Variants in APBB2 observed in about 807,000 individuals in gnomAD.
The protein encoded by APBB2 is Fe65-like 1.
APBB2 carries 38 observed loss-of-function variants against 82.5 expected under a neutral mutation model. That is an observed-to-expected ratio of 0.46 (90% CI 0.36 to 0.60). The LOEUF (loss-of-function observed/expected upper bound fraction) is 0.60. Among genes scored for constraint, APBB2 ranks in the 20% least tolerant of loss-of-function variants. The probability of loss-of-function intolerance (pLI) is 0.00; values close to 1 mark genes in which losing one functional copy is unlikely to be tolerated. For missense variants in APBB2, 772 were observed against 972.3 expected, an observed-to-expected ratio of 0.79 and a Z score of 2.74; for synonymous variants, 341 against 368.2, an observed-to-expected ratio of 0.93 and a Z score of 0.85.
chr4:41,157,332 C>A (rs899428439), intron 1 of APBB2, among the ~76,000 whole-genome samples: 2 of 152,162 alleles, frequency 1.3e-5, no homozygotes, highest in African/African-American at 2.4e-5. Flanking sequence ...TGCATGAAAG[C>A]CCCCTTCAAA....
chr4:41,122,294 G>C (rs987547268), intron 2 of APBB2, among the ~76,000 whole-genome samples: 16 of 152,152 alleles, frequency 1.1e-4, no homozygotes, highest in Admixed American at 7.9e-4. Flanking sequence ...TCACTGTTCT[G>C]ACTGGGGTCT....
chr4:41,199,300 T>C (rs1048371024), intron 1 of APBB2, among the ~76,000 whole-genome samples: 2 of 152,134 alleles, frequency 1.3e-5, no homozygotes, highest in Non-Finnish European at 2.9e-5. Context: ...AGTAAGGAAA[T>C]GGTTAATGGT....
At chr4:40,834,368 C>T (rs192493064) in intron 12 of APBB2, among the ~76,000 whole-genome samples, 2 of 152,314 alleles carry the variant, frequency 1.3e-5, no homozygotes, top group East Asian at 3.9e-4. Context: ...GGCAGTGAGG[C>T]CTTTCTTTCA....
intron 10 of APBB2, among the ~76,000 whole-genome samples, chr4:40,906,196 C>A (rs1431155963): frequency 6.6e-6 from 1 of 152,024 alleles, no homozygotes; most frequent in Non-Finnish European, 1.5e-5. Context: ...GTGGCTCACA[C>A]CTATAATCCC....
intron 12 of APBB2, among the ~76,000 whole-genome samples, chr4:40,846,556 A>G (rs1757719549): frequency 6.6e-6 from 1 of 152,176 alleles, no homozygotes; most frequent in African/African-American, 2.4e-5. Context: ...GAAAGGTTCT[A>G]TCCTTCCCAG....
chr4:41,138,880 C>T (rs1206614203), intron 2 of APBB2, among the ~76,000 whole-genome samples: 1 of 152,124 alleles, frequency 6.6e-6, no homozygotes, highest in Non-Finnish European at 1.5e-5. Flanking sequence ...TAAACAGGTT[C>T]AACACGGTTG....
chr4:40,833,420 C>T (rs1392461995), intron 12 of APBB2, among the ~76,000 whole-genome samples: 3 of 152,218 alleles, frequency 2.0e-5, no homozygotes, highest in Non-Finnish European at 4.4e-5. Context: ...CAGTGGCCCT[C>T]CCCACACTGT....
At chr4:41,121,597 T>C (rs748245258) in intron 2 of APBB2, among the ~76,000 whole-genome samples, 1 of 152,222 alleles carries the variant, frequency 6.6e-6, no homozygotes, top group Non-Finnish European at 1.5e-5. Context: ...CCCTCTACTC[T>C]GCCACCGTGT....
At chr4:41,011,761 A>T (rs1483790299) in intron 6 of APBB2, among the ~76,000 whole-genome samples, 1 of 151,606 alleles carries the variant, frequency 6.6e-6, no homozygotes, top group Non-Finnish European at 1.5e-5. Flanking sequence ...CGGATCTATG[A>T]CTCAAACATT....
chr4:40,916,481 C>A (rs751712072), intron 10 of APBB2, among the ~76,000 whole-genome samples: 5 of 152,196 alleles, frequency 3.3e-5, no homozygotes, highest in Non-Finnish European at 7.4e-5. Flanking sequence ...GGCAACTGTT[C>A]CTCAGTATTG....
chr4:40,908,261 A>G (rs1000135041), intron 10 of APBB2, among the ~76,000 whole-genome samples: 6 of 152,168 alleles, frequency 3.9e-5, no homozygotes, highest in African/African-American at 1.4e-4. Context: ...CCCAGCCTCC[A>G]TAACTGTGAG....
At chr4:41,013,101 T>C (rs1007477118) in intron 6 of APBB2, among the ~76,000 whole-genome samples, 5 of 152,232 alleles carry the variant, frequency 3.3e-5, no homozygotes, top group Admixed American at 3.3e-4. Flanking sequence ...ATGCCTTTAA[T>C]GAACAGATGG....
chr4:41,067,571 C>T (rs1244449617), intron 3 of APBB2, among the ~76,000 whole-genome samples: 3 of 152,100 alleles, frequency 2.0e-5, no homozygotes, highest in Non-Finnish European at 2.9e-5. Flanking sequence ...CAGTGAGTGA[C>T]GTCACTGCAG....
intron 12 of APBB2, among the ~76,000 whole-genome samples, chr4:40,837,926 T>C (rs887936365): frequency 2.0e-5 from 3 of 152,074 alleles, no homozygotes; most frequent in Non-Finnish European, 4.4e-5. Context: ...TCCTCAGTAA[T>C]TACTCTCCCA....
At chr4:40,893,972 T>TCAA (rs71975850) in intron 10 of APBB2, among the ~76,000 whole-genome samples, 43 of 150,548 alleles carry the variant, frequency 2.9e-4, no homozygotes, top group Admixed American at 6.0e-4. Context: ...AGACTCCATC[T>TCAA]CAACAACAAC....
chr4:41,171,535 C>T (rs16851739), intron 1 of APBB2, among the ~76,000 whole-genome samples: 5,041 of 152,298 alleles, frequency 0.033, 277 homozygotes, highest in African/African-American at 0.11. Context: ...TTATGCCCAG[C>T]TCAGCAAAGG....
rs1036621997 is a variant in APBB2 at position 41,136,677 on chromosome 4, C to T, written c.-261+6310G>A. 7.7e-4 allele frequency among the ~76,000 whole-genome samples: 118 copies of T among 152,294 alleles called. 1 individual carries two copies. The highest frequency in any genetic ancestry group is 2.7e-3 in the African/African-American group (114 of 41,550). ...GACCTACTAACGGCACTGCAGAAAA[C>T]AGGTTCCAAATCTAATAGCATGACT... On this transcript the variant is annotated intron_variant, in intron 2 of 17. Coordinates refer to ENST00000508593, the MANE Select transcript of APBB2 (RefSeq NM_004307.2).
intron 12 of APBB2, among the ~76,000 whole-genome samples, chr4:40,852,339 A>G (rs2117766): frequency 0.18 from 25,983 of 144,958 alleles, 2,384 homozygotes; most frequent in African/African-American, 0.22. Context: ...TGACAGAGCA[A>G]AACTCTGTCT....
chr4:41,146,080 C>T (rs1760628836), intron 1 of APBB2, among the ~76,000 whole-genome samples: 1 of 152,016 alleles, frequency 6.6e-6, no homozygotes, highest in Non-Finnish European at 1.5e-5. Context: ...AATCCTAGCA[C>T]TCTGGGAGGC....
Sources: allele counts gnomAD v4.1 joint callset (sites outside exome capture counted in the v4.1 genomes callset), GRCh38; gene constraint gnomAD v4.1.1; transcripts MANE v1.5; gene names NCBI Gene and HGNC (gene_info 2026-07-23, HGNC 2026-07-21).